Variants in HFM1 observed in about 807,000 individuals in gnomAD.
HFM1 encodes probable ATP-dependent DNA helicase HFM1.
Under a neutral mutation model 192.1 loss-of-function variants are expected in HFM1, and 169 were observed. The ratio of observed to expected loss-of-function variants is 0.88; its 90% CI spans 0.78 to 1.00. HFM1 has a LOEUF of 1.00. Among genes scored for constraint, HFM1 ranks in the 50% least tolerant of loss-of-function variants. The pLI, the probability that HFM1 is intolerant of heterozygous loss-of-function variation, is 0.00. For missense variants in HFM1, 1,661 were observed against 1,668.0 expected, an observed-to-expected ratio of 1.00 and a Z score of 0.07; for synonymous variants, 525 against 537.8, an observed-to-expected ratio of 0.98 and a Z score of 0.33.
At chr1:91,385,344 AAACT>A in intron 5 of HFM1, 110 bp from the exon 6 acceptor site, 1 of 794,686 alleles carries the variant, frequency 1.3e-6, no homozygotes, top group Admixed American at 2.8e-5. Flanking sequence ...TGTTTCAATA[AAACT>A]AACACAACTT....
chr1:91,358,283 C>CA (rs146195160), intron 13 of HFM1, among the ~76,000 whole-genome samples: 14,896 of 151,098 alleles, frequency 0.099, 772 homozygotes, highest in East Asian at 0.16. Flanking sequence ...GACTCCATCT[C>CA]AAAAAAAAAA....
chr1:91,334,957 C>T (rs988870947), intron 20 of HFM1, among the ~76,000 whole-genome samples: 3 of 151,550 alleles, frequency 2.0e-5, no homozygotes, highest in Middle Eastern at 3.4e-3. Context: ...TTACTGGATT[C>T]GATAAGTTGT....
intron 20 of HFM1, among the ~76,000 whole-genome samples, chr1:91,327,200 G>A (rs542176337): frequency 1.5e-3 from 228 of 152,290 alleles, no homozygotes; most frequent in Non-Finnish European, 2.4e-3. Flanking sequence ...GAATGTAAAT[G>A]GGCTAAAGTC....
chr1:91,369,237 C>T lies in HFM1; in HGVS notation c.1685+6121G>A, dbSNP rs147425495. On this transcript the variant is annotated intron_variant, in intron 13 of 38. Coordinates refer to ENST00000370425, the MANE Select transcript of HFM1 (RefSeq NM_001017975.6). ...TATCCAGGAACTGAACTCAGCACTG[C>T]ACCAACCAGACCTAATAGACATCTA... is the stretch of plus-strand genomic sequence containing the variant. Among the ~76,000 whole-genome samples, 40 of 152,256 alleles carry T rather than the reference C, an allele frequency of 2.6e-4. No individual in the cohort carries two copies. The East Asian group carries it at 6.9e-3, about 26-fold the overall frequency.
At chr1:91,302,647 G>A (rs1022798047) in intron 30 of HFM1, among the ~76,000 whole-genome samples, 79 of 152,112 alleles carry the variant, frequency 5.2e-4, no homozygotes, top group African/African-American at 1.7e-3. Context: ...CATGGATGAC[G>A]CTGGAAACCA....
chr1:91,352,352 G>A (rs1278404821), intron 16 of HFM1, among the ~76,000 whole-genome samples, 154 bp downstream of exon 16: 2 of 151,736 alleles, frequency 1.3e-5, no homozygotes, highest in Non-Finnish European at 2.9e-5. Context: ...AGTTGGTGAG[G>A]CTTGTCTTAC....
chr1:91,389,526 G>GA (rs1228048991), intron 4 of HFM1, among the ~76,000 whole-genome samples: 1 of 152,114 alleles, frequency 6.6e-6, no homozygotes, highest in Admixed American at 6.6e-5. Flanking sequence ...AAAAGAGGAT[G>GA]AAACATGAGC....
chr1:91,296,830 T>A (rs542103109), intron 30 of HFM1, among the ~76,000 whole-genome samples: 1 of 152,244 alleles, frequency 6.6e-6, no homozygotes, highest in Admixed American at 6.5e-5. Flanking sequence ...GATGGCCAAA[T>A]AGGAACAGCC....
intron 13 of HFM1, among the ~76,000 whole-genome samples, chr1:91,364,884 C>A (rs540437063): frequency 6.6e-6 from 1 of 151,626 alleles, no homozygotes; most frequent in East Asian, 1.9e-4. Context: ...TCGCCTGCCT[C>A]GGCCTCCCAA....
intron 20 of HFM1, among the ~76,000 whole-genome samples, chr1:91,332,280 A>C (rs543528987): frequency 1.3e-5 from 2 of 152,288 alleles, no homozygotes; most frequent in South Asian, 4.1e-4. Flanking sequence ...GAACAGAATA[A>C]GGAACCCAGA....
At chr1:91,401,782 C>T (rs1341511873) in intron 1 of HFM1, among the ~76,000 whole-genome samples, 2 of 152,054 alleles carry the variant, frequency 1.3e-5, no homozygotes, top group African/African-American at 4.8e-5. Flanking sequence ...ATATACTACA[C>T]ACGTTTACAT....
intron 13 of HFM1, among the ~76,000 whole-genome samples, chr1:91,368,182 T>C (rs1181876176): frequency 6.6e-6 from 1 of 152,170 alleles, no homozygotes; most frequent in African/African-American, 2.4e-5. Context: ...TGCAGGATAT[T>C]ATCCAGGAGA....
chr1:91,380,696 G>T (rs1338658855), intron 7 of HFM1, among the ~76,000 whole-genome samples: 1 of 152,172 alleles, frequency 6.6e-6, no homozygotes, highest in Non-Finnish European at 1.5e-5. Flanking sequence ...AGAAGTTGCA[G>T]TGAGCTGAGA....
At chr1:91,375,477 T>C (rs759708555) in intron 12 of HFM1, 31 bp from the exon 13 acceptor site, 24 of 1,610,598 alleles carry the variant, frequency 1.5e-5, no homozygotes, top group Admixed American at 6.7e-5. Context: ...TTTGTATTAA[T>C]CATGTTAAAA....
intron 20 of HFM1, among the ~76,000 whole-genome samples, chr1:91,339,148 C>T (rs1348466545): frequency 6.6e-6 from 1 of 151,350 alleles, no homozygotes; most frequent in Admixed American, 6.6e-5. Context: ...ATTAAAGGAA[C>T]ATCAGCCCAG....
Position 91,277,072 on chromosome 1 carries a change from T to C in HFM1, c.3392-10A>G. 1 of 1,510,742 alleles carries C rather than the reference T, an allele frequency of 6.6e-7. No individual in the cohort carries two copies. The highest frequency in any genetic ancestry group is 9.1e-7 in the Non-Finnish European group (1 of 1,100,278). The allele number at this position is 1,510,742 out of a possible 1,614,324, so 93.6% of individuals were successfully genotyped here. On this transcript the variant is annotated splice_polypyrimidine_tract_variant and intron_variant, in intron 30 of 38. Coordinates refer to ENST00000370425, the MANE Select transcript of HFM1 (RefSeq NM_001017975.6). ...TTGCTGGCAGTCGTTCCTAAATTAATATAAGAAAAACAAATCCATTTGTCA... is the reference window on the plus strand; with the variant it reads ...TTGCTGGCAGTCGTTCCTAAATTAACATAAGAAAAACAAATCCATTTGTCA...
intron 13 of HFM1, among the ~76,000 whole-genome samples, chr1:91,359,203 C>A (rs1437391738): frequency 6.6e-6 from 1 of 152,174 alleles, no homozygotes; most frequent in African/African-American, 2.4e-5. Flanking sequence ...AGTGTCTCTT[C>A]TCCTAATGAC....
chr1:91,397,926 G>A (rs180806223), intron 2 of HFM1, among the ~76,000 whole-genome samples: 1 of 152,286 alleles, frequency 6.6e-6, no homozygotes, highest in East Asian at 1.9e-4. Flanking sequence ...TTTATTGGGG[G>A]CTAACATTAA....
chr1:91,311,105 T>G (rs571099548), intron 30 of HFM1, among the ~76,000 whole-genome samples: 124 of 152,260 alleles, frequency 8.1e-4, no homozygotes, highest in African/African-American at 2.9e-3. Flanking sequence ...ATATGGACAA[T>G]AAGGTCCAGG....
Sources: gnomAD v4.1 joint callset for allele counts (sites outside exome capture counted in the v4.1 genomes callset) on GRCh38, gnomAD v4.1.1 for gene constraint, MANE v1.5 for transcripts, NCBI Gene and HGNC (gene_info 2026-07-23, HGNC 2026-07-21) for gene names.